JMY: variants seen among roughly 807,000 people sequenced by gnomAD.
JMY encodes the protein junction-mediating and -regulatory protein.
Under a neutral mutation model 103.3 loss-of-function variants are expected in JMY, and 46 were observed. That is an observed-to-expected ratio of 0.45 (90% CI 0.35 to 0.57). The LOEUF is 0.57. JMY is among the 20% of genes least tolerant of loss of function. JMY has a pLI of 0.00. For synonymous variants in JMY, 526 were observed against 489.3 expected (o/e 1.07, Z -0.99); for missense variants, 1,238 against 1,255.2 (o/e 0.99, Z 0.21).
rs1747627595 is a variant in JMY at position 79,325,938 on chromosome 5, A to G, written c.*4336A>G. 1 of 152,096 alleles carries G rather than the reference A, an allele frequency of 6.6e-6. No individual in the cohort carries two copies. The highest frequency in any genetic ancestry group is 1.5e-5 in the Non-Finnish European group (1 of 68,000). 9.4% of individuals were successfully genotyped at this position (152,096 alleles called of 1,614,324 possible). Reference sequence around the variant, plus strand: ...GTTTCCCCATTGGGTTATTCTTAAGATGTGTTTATTGTAAAGTTTTCTACG... The same window carrying G: ...GTTTCCCCATTGGGTTATTCTTAAGGTGTGTTTATTGTAAAGTTTTCTACG... On this transcript the variant is annotated 3_prime_UTR_variant, in exon 11 of 11. Transcript: ENST00000396137.
intron 1 of JMY, among the ~76,000 whole-genome samples, chr5:79,238,466 A>G (rs536986459): frequency 1.3e-5 from 2 of 152,268 alleles, no homozygotes; most frequent in Non-Finnish European, 2.9e-5. Flanking sequence ...TGTGTAGGAA[A>G]TGTGTAATTC....
intron 10 of JMY, among the ~76,000 whole-genome samples, chr5:79,318,520 A>G (rs1747315736): frequency 6.6e-6 from 1 of 152,166 alleles, no homozygotes; most frequent in Non-Finnish European, 1.5e-5. Flanking sequence ...ATATTCCTGT[A>G]GTACCTCTCC....
chr5:79,279,835 T>C (rs908508655), intron 2 of JMY, among the ~76,000 whole-genome samples: 1 of 152,018 alleles, frequency 6.6e-6, no homozygotes, highest in East Asian at 1.9e-4. Flanking sequence ...AAATTCCTGG[T>C]TTTTTTTGTT....
intron 1 of JMY, among the ~76,000 whole-genome samples, chr5:79,274,399 T>G (rs1745875955): frequency 7.5e-6 from 1 of 134,116 alleles, no homozygotes; most frequent in African/African-American, 2.9e-5. Flanking sequence ...AAATAGTGTT[T>G]TTTTTTGTTT....
At chr5:79,288,989 C>T (rs1746346364) in intron 2 of JMY, among the ~76,000 whole-genome samples, 1 of 151,864 alleles carries the variant, frequency 6.6e-6, no homozygotes, top group Non-Finnish European at 1.5e-5. Flanking sequence ...AATCCCAGCA[C>T]TTTGGGAGGC....
At position 79,237,253 on chromosome 5, in the gene JMY, G is replaced by A; in HGVS notation, c.603G>A (p.Glu201=). ...TAGAGGTGCTGGAAATGGTGAAGGA[G>A]GACGAGGCACCTCTGGCGCTCTCGG... ...EEIEVLEMVK[E]DEAPLALSDA... The change falls in exon 1 of 11, where the codon GAG becomes GAA. Residue 201 remains glutamate (E), a synonymous_variant. Coordinates refer to ENST00000396137, the MANE Select transcript of JMY (RefSeq NM_152405.5). The A allele has an allele frequency of 6.4e-7, 1 of 1,551,084 alleles. No homozygotes were observed.
At chr5:79,291,085 TAA>T (rs773189435) in intron 3 of JMY, 43 bp from the exon 4 acceptor site, 15 of 1,370,304 alleles carry the variant, frequency 1.1e-5, no homozygotes, top group Middle Eastern at 1.9e-4. Context: ...GCTTCAGTAT[TAA>T]GTTGTTATTT....
chr5:79,282,577 AGAAT>A (rs1230382542), intron 2 of JMY, among the ~76,000 whole-genome samples: 1 of 152,204 alleles, frequency 6.6e-6, no homozygotes, highest in African/African-American at 2.4e-5. Flanking sequence ...TCACTATTGA[AGAAT>A]GAATAAGAAT....
intron 1 of JMY, among the ~76,000 whole-genome samples, chr5:79,264,519 A>T (rs1328987413): frequency 1.3e-5 from 2 of 152,114 alleles, no homozygotes; most frequent in Non-Finnish European, 2.9e-5. Context: ...CTGGAATTAC[A>T]GGTGTGAGCC....
chr5:79,236,837 G>A lies in JMY; in HGVS notation c.187G>A (p.Gly63Arg). The A allele has an allele frequency of 6.9e-7, 1 of 1,452,148 alleles. No homozygotes were observed. The highest frequency in any genetic ancestry group is 9.1e-7 in the Non-Finnish European group (1 of 1,096,510). 90.0% of individuals were successfully genotyped at this position (1,452,148 alleles called of 1,614,324 possible). A position where few individuals can be genotyped will look rare whatever the true frequency, so the allele number is the denominator to read the frequency against. The stretch of plus-strand genomic sequence containing the variant: ...GAGGAGCGGCTCCCGGGAGCAAGCG[G>A]GGGCGCGAGGGGGCGCCGAGGCCGG... ...RQRSGSREQA[G>R]ARGGAEAGGA... is the part of the protein sequence containing the mutation. Residue 63 changes from glycine (G) to arginine (R), a missense_variant, in exon 1 of 11, where the codon GGG (glycine) becomes AGG (arginine). Physicochemically the swap from Gly to Arg is moderately radical, Grantham distance 125. Transcript: ENST00000396137.
intron 2 of JMY, among the ~76,000 whole-genome samples, chr5:79,285,376 G>T (rs1746237339): frequency 6.6e-6 from 1 of 151,980 alleles, no homozygotes; most frequent in Admixed American, 6.6e-5. Flanking sequence ...GCAAAGCATG[G>T]GCTGCATTTC....
chr5:79,250,274 A>G (rs1206619569), intron 1 of JMY, among the ~76,000 whole-genome samples: 1 of 152,206 alleles, frequency 6.6e-6, no homozygotes, highest in Non-Finnish European at 1.5e-5. Context: ...TGTACCCTCC[A>G]TAGGAACTCC....
At chr5:79,255,713 A>G (rs1431073204) in intron 1 of JMY, among the ~76,000 whole-genome samples, 4 of 152,250 alleles carry the variant, frequency 2.6e-5, no homozygotes, top group Non-Finnish European at 4.4e-5. Context: ...GTCTTGGTCA[A>G]GATGTGAAAG....
chr5:79,293,212 T>A (rs1430640339), intron 4 of JMY, among the ~76,000 whole-genome samples: 4 of 152,278 alleles, frequency 2.6e-5, no homozygotes, highest in African/African-American at 9.6e-5. Context: ...AAAAATTAAA[T>A]GTAAAGTATT....
At chr5:79,286,616 G>A (rs188125507) in intron 2 of JMY, among the ~76,000 whole-genome samples, 1 of 151,334 alleles carries the variant, frequency 6.6e-6, no homozygotes, top group Admixed American at 6.6e-5. Flanking sequence ...GCACTCCAGT[G>A]TGGGTGACAG....
chr5:79,242,156 C>T (rs762982390), intron 1 of JMY, among the ~76,000 whole-genome samples: 1 of 152,134 alleles, frequency 6.6e-6, no homozygotes, highest in African/African-American at 2.4e-5. Context: ...GTTGAAACCA[C>T]GGTTTGGAAG....
At chr5:79,267,355 C>A (rs1466863523) in intron 1 of JMY, among the ~76,000 whole-genome samples, 1 of 152,094 alleles carries the variant, frequency 6.6e-6, no homozygotes, top group African/African-American at 2.4e-5. Flanking sequence ...TCCCCTGGGC[C>A]CCATCTGTTG....
intron 2 of JMY, among the ~76,000 whole-genome samples, chr5:79,278,578 G>A (rs945168045): frequency 8.5e-5 from 7 of 82,492 alleles, no homozygotes; most frequent in Admixed American, 2.0e-4. Flanking sequence ...CGGAGAACCC[G>A]TCTCTACAAA....
At chr5:79,318,842 A>G (rs1747347427) in intron 10 of JMY, among the ~76,000 whole-genome samples, 1 of 151,120 alleles carries the variant, frequency 6.6e-6, no homozygotes, top group Non-Finnish European at 1.5e-5. Context: ...ACTCTCAGGT[A>G]TGTCTAACTG....
Sources: gnomAD v4.1 joint callset for allele counts (sites outside exome capture counted in the v4.1 genomes callset) on GRCh38, gnomAD v4.1.1 for gene constraint, MANE v1.5 for transcripts, NCBI Gene and HGNC (gene_info 2026-07-23, HGNC 2026-07-21) for gene names.